The following ARHGEF12 variants were observed in gnomAD, a reference collection of about 807,000 sequenced individuals.
ARHGEF12 encodes KMT2A/ARHGEF12 fusion protein.
A neutral mutation model predicts 211.2 loss-of-function variants in ARHGEF12; 66 were observed. That is an observed-to-expected ratio of 0.31 (90% CI 0.26 to 0.38). The LOEUF is 0.38. Ranked by LOEUF, ARHGEF12 falls within the 10% of genes least tolerant of loss-of-function variation. The pLI is 1.00. For missense variants in ARHGEF12, 1,429 were observed against 1,869.5 expected, an observed-to-expected ratio of 0.76 and a Z score of 4.34; for synonymous variants, 592 against 638.4, an observed-to-expected ratio of 0.93 and a Z score of 1.09.
At chr11:120,442,501 G>A (rs1945908991) in intron 15 of ARHGEF12, among the ~76,000 whole-genome samples, 1 of 151,038 alleles carries the variant, frequency 6.6e-6, no homozygotes, top group Non-Finnish European at 1.5e-5. Flanking sequence ...TTTTTTGCAT[G>A]TGCATAATTA....
chr11:120,452,439 G>A (rs1946239598), intron 22 of ARHGEF12, among the ~76,000 whole-genome samples: 1 of 152,296 alleles, frequency 6.6e-6, no homozygotes, highest in South Asian at 2.1e-4. Context: ...GTGGTGACAT[G>A]ATCAAGAATG....
At chr11:120,416,661 C>CT (rs769130952) in intron 4 of ARHGEF12, among the ~76,000 whole-genome samples, 23 of 152,074 alleles carry the variant, frequency 1.5e-4, no homozygotes, top group Non-Finnish European at 2.8e-4. Context: ...ATAATTGATC[C>CT]TCTTTTTTTT....
At chr11:120,360,505 A>G (rs1429032382) in intron 1 of ARHGEF12, among the ~76,000 whole-genome samples, 3 of 151,908 alleles carry the variant, frequency 2.0e-5, no homozygotes, top group Non-Finnish European at 4.4e-5. Context: ...TGATCCTCCC[A>G]CCTCAGCCTC....
At chr11:120,432,955 T>C (rs1230800982) in intron 11 of ARHGEF12, among the ~76,000 whole-genome samples, 3 of 152,164 alleles carry the variant, frequency 2.0e-5, no homozygotes, top group Non-Finnish European at 4.4e-5. Context: ...GATAGGAGTC[T>C]TGTGATTGGG....
intron 32 of ARHGEF12, 121 bp downstream of exon 32, chr11:120,474,756 G>A (rs1455826789): frequency 2.9e-5 from 19 of 649,508 alleles, no homozygotes; most frequent in Admixed American, 6.1e-5. Context: ...GTGCTACCTC[G>A]TGTTATTTGT....
chr11:120,427,962 A>G (rs1945398801), intron 7 of ARHGEF12, 107 bp from the exon 8 acceptor site: 1 of 962,664 alleles, frequency 1.0e-6, no homozygotes, highest in South Asian at 2.4e-5. Flanking sequence ...GTCTTACATA[A>G]CTGGATCTTT....
intron 22 of ARHGEF12, among the ~76,000 whole-genome samples, chr11:120,455,370 A>G (rs1459187958): frequency 6.6e-6 from 1 of 152,178 alleles, no homozygotes; most frequent in Non-Finnish European, 1.5e-5. Flanking sequence ...AAAAATGGGG[A>G]TTACACTGCA....
chr11:120,383,221 T>G (rs1943927539), intron 1 of ARHGEF12, among the ~76,000 whole-genome samples: 1 of 151,978 alleles, frequency 6.6e-6, no homozygotes, highest in Non-Finnish European at 1.5e-5. Flanking sequence ...GTGAAGAAGT[T>G]AAGAGTGTAG....
chr11:120,413,501 A>C lies in ARHGEF12; in HGVS notation c.199+4051A>C, dbSNP rs530685542. ...AGAAAATTGATGGAATAAGATCTTC[A>C]CTCATCCTAATTGAATCTTTCTTTC... On this transcript the variant is annotated intron_variant, in intron 4 of 40. Transcript: ENST00000397843. Among the ~76,000 whole-genome samples, 8 of 152,326 alleles carry C rather than the reference A, an allele frequency of 5.3e-5. No individual in the cohort carries two copies. The South Asian group carries it at 6.2e-4, about 12-fold the overall frequency.
chr11:120,339,316 G>A (rs796710876), intron 1 of ARHGEF12, among the ~76,000 whole-genome samples: 10 of 152,072 alleles, frequency 6.6e-5, no homozygotes, highest in African/African-American at 2.2e-4. Flanking sequence ...GAGAGTAGTT[G>A]TTCCTAATAT....
intron 33 of ARHGEF12, 29 bp downstream of exon 33, chr11:120,475,536 T>G (rs767018708): frequency 9.3e-6 from 15 of 1,605,564 alleles, no homozygotes; most frequent in South Asian, 3.3e-5. Flanking sequence ...GGATACTAAT[T>G]TCCAGATTCA....
At chr11:120,355,652 A>AGCTATGAT (rs1157085934) in intron 1 of ARHGEF12, among the ~76,000 whole-genome samples, 2 of 152,158 alleles carry the variant, frequency 1.3e-5, no homozygotes, top group East Asian at 3.9e-4. Flanking sequence ...GGCTGCAGTG[A>AGCTATGAT]GCTATGATTG....
Position 120,481,539 on chromosome 11 carries a change from A to T in ARHGEF12, c.4517A>T (p.Tyr1506Phe). Residue 1506 changes from tyrosine (Y) to phenylalanine (F), a missense_variant, in exon 39 of 41, where the codon TAC becomes TTC. Physicochemically the swap from Tyr to Phe is conservative, Grantham distance 22. This residue lies in a region of ARHGEF12 where 467 missense variants were observed against 468.4 expected (regional missense o/e 1.00). Transcript: ENST00000397843. Reference sequence around the variant, plus strand: ...GATTCACAGAGCCAGATCATGGAGTACATTCATAAGATAGAGGCTGACCTT... The same window carrying T: ...GATTCACAGAGCCAGATCATGGAGTTCATTCATAAGATAGAGGCTGACCTT... ...CADSQSQIME[Y>F]IHKIEADLEH... 6.2e-7 allele frequency: 1 copy of T among 1,614,224 alleles called. No individual in the cohort carries two copies. The highest frequency in any genetic ancestry group is 8.5e-7 in the Non-Finnish European group (1 of 1,180,044).
rs1239757597 is a variant in ARHGEF12, at chr11:120,437,347, G to A, written c.964G>A (p.Glu322Lys). 8.1e-6 allele frequency: 13 copies of A among 1,612,790 alleles called. No individual in the cohort carries two copies. The highest frequency in any genetic ancestry group is 1.1e-5 in the Non-Finnish European group (13 of 1,179,458). Residue 322 changes from glutamate (E) to lysine (K), a missense_variant, in exon 12 of 41, where the codon GAA (glutamate) becomes AAA (lysine). By Grantham distance (56) the Glu-to-Lys change is moderately conservative. Coordinates refer to ENST00000397843, the MANE Select transcript of ARHGEF12 (RefSeq NM_015313.3). ...CCCAAAAGAGAGAATTTATCTAGAG[G>A]AAAACCCAGAGAAAAGTGAAACAAT... ...SGPKERIYLE[E>K]NPEKSETIQD...
intron 4 of ARHGEF12, among the ~76,000 whole-genome samples, chr11:120,412,182 T>C (rs1461439671): frequency 6.6e-6 from 1 of 152,238 alleles, no homozygotes; most frequent in Non-Finnish European, 1.5e-5. Context: ...ATTAATACTT[T>C]TGTGGGTTAC....
chr11:120,377,126 A>G (rs547947784), intron 1 of ARHGEF12, among the ~76,000 whole-genome samples: 1 of 152,282 alleles, frequency 6.6e-6, no homozygotes, highest in South Asian at 2.1e-4. Flanking sequence ...TCTTTGATAT[A>G]CTGACTTCCT....
intron 6 of ARHGEF12, 111 bp downstream of exon 6, chr11:120,421,963 T>C: frequency 1.3e-6 from 1 of 769,786 alleles, no homozygotes; most frequent in Non-Finnish European, 2.1e-6. Flanking sequence ...TACTTCTATG[T>C]ATGATAGATC....
rs752798469 is a variant in ARHGEF12 at position 120,457,270 on chromosome 11, G to T, written c.2189+20G>T. 1 of 1,613,092 alleles carries T rather than the reference G, an allele frequency of 6.2e-7. No homozygotes were observed. Among genetic ancestry groups the T allele is most frequent in the East Asian group, 2.2e-5 (1 of 44,866 alleles). On this transcript the variant is annotated intron_variant, in intron 23 of 40. Coordinates refer to ENST00000397843, the MANE Select transcript of ARHGEF12 (RefSeq NM_015313.3). Reference sequence around the variant, plus strand: ...AGAAAGGTAATTCAGTGATCTCTTAGAGAAGCTTAGGGCATTACTTAAAGT... The same window carrying T: ...AGAAAGGTAATTCAGTGATCTCTTATAGAAGCTTAGGGCATTACTTAAAGT...
chr11:120,391,902 A>G (rs1944230027), intron 1 of ARHGEF12, among the ~76,000 whole-genome samples: 1 of 152,208 alleles, frequency 6.6e-6, no homozygotes, highest in South Asian at 2.1e-4. Flanking sequence ...TTTTCCACAT[A>G]TTAGATGCTG....
Sources: allele counts gnomAD v4.1 joint callset (sites outside exome capture counted in the v4.1 genomes callset), GRCh38; gene constraint gnomAD v4.1.1; regional missense constraint gnomAD v4.1.1; transcripts MANE v1.5; gene names NCBI Gene and HGNC (gene_info 2026-07-23, HGNC 2026-07-21).